The following HHAT variants were observed in gnomAD, a reference collection of about 807,000 sequenced individuals.
The protein encoded by HHAT is hedgehog acyltransferase, also known as protein-cysteine N-palmitoyltransferase HHAT.
In HHAT, 47 loss-of-function variants were observed where a neutral mutation model predicts 70.8. The observed-to-expected ratio is 0.66, with a 90% CI of 0.53 to 0.85. HHAT has a LOEUF of 0.85. Among genes scored for constraint, HHAT ranks in the 40% least tolerant of loss-of-function variants. The pLI is 0.00. For missense variants in HHAT, 609 were observed against 604.8 expected, an observed-to-expected ratio of 1.01 and a Z score of -0.07; for synonymous variants, 228 against 247.6, an observed-to-expected ratio of 0.92 and a Z score of 0.74.
intron 7 of HHAT, among the ~76,000 whole-genome samples, chr1:210,441,747 TCTG>T (rs2093513703): frequency 6.6e-6 from 1 of 152,174 alleles, no homozygotes; most frequent in Non-Finnish European, 1.5e-5. Flanking sequence ...CAACAAATAA[TCTG>T]CTAGACATTT....
chr1:210,609,921 C>T (rs970903968), intron 10 of HHAT, among the ~76,000 whole-genome samples: 3 of 152,076 alleles, frequency 2.0e-5, no homozygotes, highest in Admixed American at 6.6e-5. Context: ...CATTGATGGG[C>T]GTTTAGATTG....
intron 10 of HHAT, among the ~76,000 whole-genome samples, chr1:210,597,946 C>T (rs966415456): frequency 1.8e-4 from 27 of 151,722 alleles, no homozygotes; most frequent in African/African-American, 5.3e-4. Context: ...ATGCCTGAAG[C>T]CAGCAAGTCT....
At chr1:210,374,134 C>G (rs531495428) in intron 3 of HHAT, 7 of 152,088 alleles carry the variant, frequency 4.6e-5, no homozygotes, top group South Asian at 2.1e-4. Flanking sequence ...CTCTTTAAGT[C>G]TTTTTTTATA....
At chr1:210,646,184 C>T (rs1325276346) in intron 11 of HHAT, among the ~76,000 whole-genome samples, 3 of 152,122 alleles carry the variant, frequency 2.0e-5, no homozygotes, top group African/African-American at 4.8e-5. Flanking sequence ...CATAGTGGAA[C>T]CAGAAGTCTC....
At chr1:210,660,312 C>A (rs559399721) in intron 11 of HHAT, among the ~76,000 whole-genome samples, 3 of 152,188 alleles carry the variant, frequency 2.0e-5, no homozygotes, top group African/African-American at 4.8e-5. Flanking sequence ...CTCCCATTCA[C>A]AATTGCTTCA....
At chr1:210,385,636 G>A (rs868380614) in intron 3 of HHAT, among the ~76,000 whole-genome samples, 4 of 152,186 alleles carry the variant, frequency 2.6e-5, no homozygotes, top group African/African-American at 7.2e-5. Flanking sequence ...GGTGTGGGGA[G>A]CATGTGTAAT....
At chr1:210,535,318 T>C (rs905927599) in intron 9 of HHAT, among the ~76,000 whole-genome samples, 1 of 151,970 alleles carries the variant, frequency 6.6e-6, no homozygotes, top group Non-Finnish European at 1.5e-5. Context: ...AGATGATTTA[T>C]GTGGAAGAAC....
intron 9 of HHAT, among the ~76,000 whole-genome samples, chr1:210,566,348 A>T (rs1466314105): frequency 6.6e-6 from 1 of 152,174 alleles, no homozygotes; most frequent in Non-Finnish European, 1.5e-5. Flanking sequence ...GATGATGTGG[A>T]CAGGAGACAG....
intron 8 of HHAT, among the ~76,000 whole-genome samples, chr1:210,504,012 CATCA>C (rs920863469): frequency 7.2e-5 from 11 of 152,266 alleles, no homozygotes; most frequent in African/African-American, 2.2e-4. Flanking sequence ...ATAAGAAAAA[CATCA>C]ATCAATTGGA....
intron 9 of HHAT, among the ~76,000 whole-genome samples, chr1:210,584,470 A>G (rs1164117611): frequency 6.6e-6 from 1 of 152,168 alleles, no homozygotes; most frequent in African/African-American, 2.4e-5. Context: ...AGTTACCTCC[A>G]TGCAGGTAGG....
rs11376201 is a variant in HHAT at position 210,466,769 on chromosome 1, A to ATTT, written c.1007+2122_1007+2124dup. 2.2e-3 allele frequency among the ~76,000 whole-genome samples: 328 copies of ATTT among 151,046 alleles called. 7 individuals are homozygous for ATTT. In the South Asian group the frequency reaches 0.043, roughly 20 times the overall value. On this transcript the variant is annotated intron_variant, in intron 8 of 11. Transcript: ENST00000261458. ...GATTGTCTTGTCCTTTATTTTAATAATTTTTTTTTTGTCCAAGGAAGACCT... is the reference window on the plus strand; with the variant it reads ...GATTGTCTTGTCCTTTATTTTAATAATTTTTTTTTTTTTGTCCAAGGAAGACCT...
In HHAT at chr1:210,674,345, G is replaced by C; in HGVS notation, c.1448G>C (p.Gly483Ala). 2 of 1,614,170 alleles carry C rather than the reference G, an allele frequency of 1.2e-6. No individual in the cohort carries two copies. Among genetic ancestry groups the C allele is most frequent in the South Asian group, 1.1e-5 (1 of 91,086 alleles). Reference protein sequence around the residue: ...LGFLYCYSHVGIAWAQTYATD With the variant: ...LGFLYCYSHVAIAWAQTYATD ...TTCCTGTACTGCTACTCCCACGTGG[G>C]CATTGCCTGGGCCCAGACCTACGCC... The change falls in exon 12 of 12, where the codon GGC becomes GCC. Residue 483 changes from glycine to alanine, a missense_variant. Transcript: ENST00000261458.
chr1:210,625,194 A>T (rs1669605276), intron 11 of HHAT, among the ~76,000 whole-genome samples: 1 of 152,224 alleles, frequency 6.6e-6, no homozygotes, highest in Non-Finnish European at 1.5e-5. Context: ...TCTAAGCGAA[A>T]GCTGTCCTTT....
rs1435710073 is a variant in HHAT at position 210,509,160 on chromosome 1, C to T, written c.1008-3993C>T. Among the ~76,000 whole-genome samples the T allele has an allele frequency of 1.2e-4, 19 of 152,234 alleles. 1 individual carries two copies. The highest frequency in any genetic ancestry group is 1.2e-3 in the Admixed American group (18 of 15,280). ...CAATATGCAGATTGAATATCCCTTA[C>T]TTGAAATGCTGGGGACCAGAAATCA... is the stretch of plus-strand genomic sequence containing the variant. On this transcript the variant is annotated intron_variant, in intron 8 of 11. Transcript: ENST00000261458.
At chr1:210,336,359 C>A (rs1198189720) in intron 1 of HHAT, among the ~76,000 whole-genome samples, 1 of 147,470 alleles carries the variant, frequency 6.8e-6, no homozygotes, top group East Asian at 2.0e-4. Flanking sequence ...AACCCCTAGG[C>A]TCAAGTAGTC....
intron 7 of HHAT, among the ~76,000 whole-genome samples, chr1:210,419,903 C>G (rs756373959): frequency 4.6e-5 from 7 of 152,090 alleles, no homozygotes; most frequent in Non-Finnish European, 8.8e-5. Context: ...GGTTTTTAAA[C>G]TAAAAGTAAT....
chr1:210,376,014 ATT>A (rs57707354), intron 3 of HHAT, among the ~76,000 whole-genome samples: 1,169 of 108,896 alleles, frequency 0.011, 24 homozygotes, highest in Admixed American at 0.078. Context: ...TGCACAGCTA[ATT>A]TTTTTTTTTT....
At chr1:210,543,185 A>C (rs1377503845) in intron 9 of HHAT, among the ~76,000 whole-genome samples, 2 of 152,242 alleles carry the variant, frequency 1.3e-5, no homozygotes, top group African/African-American at 4.8e-5. Flanking sequence ...TTTTAAAAAA[A>C]GAAATTCAGC....
intron 9 of HHAT, among the ~76,000 whole-genome samples, chr1:210,517,573 C>A (rs2095079247): frequency 6.6e-6 from 1 of 152,094 alleles, no homozygotes; most frequent in African/African-American, 2.4e-5. Flanking sequence ...GAAGAAATGT[C>A]AAGGAATACA....
Sources: gnomAD v4.1 joint callset for allele counts (sites outside exome capture counted in the v4.1 genomes callset) on GRCh38, gnomAD v4.1.1 for gene constraint, MANE v1.5 for transcripts, NCBI Gene and HGNC (gene_info 2026-07-23, HGNC 2026-07-21) for gene names.